The following DLC1 variants were observed in gnomAD, a reference collection of about 807,000 sequenced individuals.
The protein encoded by DLC1 is DLC1 Rho GTPase activating protein.
Under a neutral mutation model 140.3 loss-of-function variants are expected in DLC1, and 54 were observed. The observed-to-expected ratio is 0.38, with a 90% CI of 0.31 to 0.48. The LOEUF (loss-of-function observed/expected upper bound fraction) is 0.48, where lower values mean the gene tolerates loss of function less well. DLC1 is among the 20% of genes least tolerant of loss of function. DLC1 has a pLI of 0.96. For missense variants in DLC1, 2,536 were observed against 1,907.0 expected (o/e 1.33, Z -6.14); for synonymous variants, 986 against 728.1 (o/e 1.35, Z -5.70).
chr8:13,299,256 A>G (rs2117494809), intron 5 of DLC1, among the ~76,000 whole-genome samples: 1 of 152,098 alleles, frequency 6.6e-6, no homozygotes, highest in African/African-American at 2.4e-5. Flanking sequence ...CAGCCCAGCC[A>G]ACATAGTGAA....
chr8:13,441,074 A>T (rs1267912248), intron 2 of DLC1, among the ~76,000 whole-genome samples: 1 of 152,200 alleles, frequency 6.6e-6, no homozygotes, highest in Non-Finnish European at 1.5e-5. Context: ...AATTCTACCA[A>T]ACTACCACTA....
At chr8:13,567,658 G>A in intron 1 of DLC1, 2 of 1,551,806 alleles carry the variant, frequency 1.3e-6, no homozygotes, top group South Asian at 1.2e-5. Context: ...GACTTTACTG[G>A]AGTCATTTCT....
chr8:13,561,647 T>A (rs140204922), intron 1 of DLC1, among the ~76,000 whole-genome samples: 1 of 152,348 alleles, frequency 6.6e-6, no homozygotes, highest in East Asian at 1.9e-4. Context: ...TTCATTTACC[T>A]GCTTATCTAC....
rs541465531 is a variant in DLC1 at position 13,348,235 on chromosome 8, G to A, written c.1315-42933C>T. ...GGAGGTGGGATACAGCCTGGCTTCCGTGTGAGTAATATGTGTGTGGTTGAA... is the reference window on the plus strand; with the variant it reads ...GGAGGTGGGATACAGCCTGGCTTCCATGTGAGTAATATGTGTGTGGTTGAA... On this transcript the variant is annotated intron_variant, in intron 4 of 17. Coordinates refer to ENST00000276297, the MANE Select transcript of DLC1 (RefSeq NM_182643.3). 2.1e-3 allele frequency among the ~76,000 whole-genome samples: 322 copies of A among 152,280 alleles called. 3 individuals are homozygous for A. Among genetic ancestry groups the A allele is most frequent in the South Asian group, 0.011 (51 of 4,822 alleles).
intron 5 of DLC1, among the ~76,000 whole-genome samples, chr8:13,225,612 T>C (rs1257859688): frequency 6.6e-6 from 1 of 150,584 alleles, no homozygotes; most frequent in Non-Finnish European, 1.5e-5. Flanking sequence ...TTTTTATTTA[T>C]TTAATTTTTT....
chr8:13,567,800 A>C (rs939680236), intron 1 of DLC1: 6 of 1,551,772 alleles, frequency 3.9e-6, no homozygotes, highest in African/African-American at 1.4e-5. Flanking sequence ...GAGAAAAGTC[A>C]TATCAGATAC....
intron 5 of DLC1, among the ~76,000 whole-genome samples, chr8:13,158,954 T>A (rs1824479431): frequency 6.6e-6 from 1 of 151,986 alleles, no homozygotes; most frequent in Non-Finnish European, 1.5e-5. Flanking sequence ...CCCCTGAACC[T>A]TTGCGTTGAG....
intron 5 of DLC1, chr8:13,214,580 T>G: frequency 1.6e-6 from 1 of 606,952 alleles, no homozygotes; most frequent in Non-Finnish European, 3.0e-6. Context: ...TTTTTGTGGC[T>G]GCCCGAGGAA....
At position 13,137,836 on chromosome 8, in the gene DLC1, GA is replaced by G. The variant is rs749161903; in HGVS notation, c.1349-22180del. 9.3e-4 allele frequency among the ~76,000 whole-genome samples: 141 copies of G among 151,962 alleles called. 3 individuals are homozygous for G. The highest frequency in any genetic ancestry group is 2.9e-3 in the South Asian group (14 of 4,792). Reference sequence around the variant, plus strand: ...TGGTCTCGAACTCCTGATCTCAGCTGATCTGCCCGCCTCAGCCTCCCAAAGT... The same window carrying G: ...TGGTCTCGAACTCCTGATCTCAGCTGTCTGCCCGCCTCAGCCTCCCAAAGT... On this transcript the variant is annotated intron_variant, in intron 5 of 17. Coordinates refer to ENST00000276297, the MANE Select transcript of DLC1 (RefSeq NM_182643.3).
intron 5 of DLC1, among the ~76,000 whole-genome samples, chr8:13,189,597 C>G (rs1255598591): frequency 1.3e-5 from 2 of 150,406 alleles, no homozygotes; most frequent in Non-Finnish European, 3.0e-5. Context: ...AAAGAAGGCA[C>G]TCTGGCAGGG....
intron 1 of DLC1, among the ~76,000 whole-genome samples, chr8:13,551,176 A>G (rs1316813688): frequency 2.6e-5 from 4 of 151,820 alleles, no homozygotes; most frequent in Admixed American, 1.3e-4. Flanking sequence ...CAAAACTATA[A>G]TTAATACTTG....
intron 4 of DLC1, among the ~76,000 whole-genome samples, chr8:13,377,711 G>A (rs1020356311): frequency 2.0e-5 from 3 of 151,830 alleles, no homozygotes; most frequent in African/African-American, 4.8e-5. Context: ...CGTCTTCTGT[G>A]GATTTAACCT....
At chr8:13,278,595 G>T (rs1346501730) in intron 5 of DLC1, among the ~76,000 whole-genome samples, 1 of 152,174 alleles carries the variant, frequency 6.6e-6, no homozygotes, top group Non-Finnish European at 1.5e-5. Context: ...ATGCAGCCTG[G>T]ATTCCTAACT....
At chr8:13,446,436 C>G (rs1466371615) in intron 2 of DLC1, among the ~76,000 whole-genome samples, 3 of 152,096 alleles carry the variant, frequency 2.0e-5, no homozygotes, top group Admixed American at 6.5e-5. Flanking sequence ...CTGAGCAAGA[C>G]TGTTATTGCA....
intron 5 of DLC1, among the ~76,000 whole-genome samples, chr8:13,208,088 A>G (rs1421620210): frequency 6.6e-6 from 1 of 152,190 alleles, no homozygotes; most frequent in Non-Finnish European, 1.5e-5. Context: ...ATTTTAAACC[A>G]TGGGTTGACT....
intron 2 of DLC1, among the ~76,000 whole-genome samples, chr8:13,437,753 A>G (rs1482145864): frequency 6.6e-6 from 1 of 152,096 alleles, no homozygotes; most frequent in African/African-American, 2.4e-5. Flanking sequence ...AAAACTCCCA[A>G]CCTATGAAAT....
At chr8:13,430,204 T>C (rs932998830) in intron 2 of DLC1, among the ~76,000 whole-genome samples, 1 of 152,184 alleles carries the variant, frequency 6.6e-6, no homozygotes, top group Admixed American at 6.5e-5. Flanking sequence ...TTCTGGGAGT[T>C]TGTTGAAAGG....
At chr8:13,107,083 C>A (rs1465950902) in intron 7 of DLC1, among the ~76,000 whole-genome samples, 1 of 152,176 alleles carries the variant, frequency 6.6e-6, no homozygotes, top group Non-Finnish European at 1.5e-5. Flanking sequence ...AGGCCAAAGC[C>A]GTTTCTCCAA....
chr8:13,344,403 G>T (rs1834219771), intron 4 of DLC1, among the ~76,000 whole-genome samples: 1 of 152,218 alleles, frequency 6.6e-6, no homozygotes, highest in Non-Finnish European at 1.5e-5. Context: ...TGAGGCAGGA[G>T]AATAGCTTGA....
Sources: allele counts gnomAD v4.1 joint callset (sites outside exome capture counted in the v4.1 genomes callset), GRCh38; gene constraint gnomAD v4.1.1; transcripts MANE v1.5; gene names NCBI Gene and HGNC (gene_info 2026-07-23, HGNC 2026-07-21).